CLIC4: variants seen among roughly 807,000 people sequenced by gnomAD.
CLIC4 encodes chloride intracellular channel protein 4.
CLIC4 carries 13 observed loss-of-function variants against 24.6 expected under a neutral mutation model. That is an observed-to-expected ratio of 0.53 (90% confidence interval 0.34 to 0.84). The LOEUF (loss-of-function observed/expected upper bound fraction) is 0.84. CLIC4 is among the 40% of genes least tolerant of loss of function. CLIC4 has a pLI of 0.01. For missense variants in CLIC4, 227 were observed against 301.7 expected, an observed-to-expected ratio of 0.75 and a Z score of 1.83; for synonymous variants, 104 against 111.3, an observed-to-expected ratio of 0.93 and a Z score of 0.41.
At chr1:24,813,042 CTTTCT>C (rs761240831) in intron 2 of CLIC4, among the ~76,000 whole-genome samples, 9 of 114,042 alleles carry the variant, frequency 7.9e-5, no homozygotes, top group African/African-American at 2.1e-4. Flanking sequence ...TTCTTTCTTT[CTTTCT>C]TTTTTTTTTT....
chr1:24,842,172 A>G lies in CLIC4; in HGVS notation c.*1235A>G, dbSNP rs914636955. 9 of 152,060 alleles carry G rather than the reference A, an allele frequency of 5.9e-5. No homozygotes were observed. The highest frequency in any genetic ancestry group is 2.2e-4 in the African/African-American group (9 of 41,402). 9.4% of individuals were successfully genotyped at this position (152,060 alleles called of 1,614,324 possible). On this transcript the variant is annotated 3_prime_UTR_variant, in exon 6 of 6. Transcript: ENST00000374379. ...GCACTTCCTGGAGTTAAATTTTCCA[A>G]CAGCCATGTTGAGGAATAGCACTCT...
intron 1 of CLIC4, among the ~76,000 whole-genome samples, chr1:24,752,469 A>G (rs72654677): frequency 3.3e-5 from 5 of 152,162 alleles, no homozygotes; most frequent in East Asian, 3.9e-4. Flanking sequence ...TGAATTGTCA[A>G]AGTTGGTGGG....
Position 24,758,490 on chromosome 1 carries a change from C to G in CLIC4, c.72+12865C>G, listed in dbSNP as rs1461209234. Reference sequence around the variant, plus strand: ...TTTTTTTTTTTGAGGCAGAGTCTCACTCTGTCACCCAGGCTGGGGTGCACT... The same window carrying G: ...TTTTTTTTTTTGAGGCAGAGTCTCAGTCTGTCACCCAGGCTGGGGTGCACT... On this transcript the variant is annotated intron_variant, in intron 1 of 5. Transcript: ENST00000374379. 4.0e-5 allele frequency among the ~76,000 whole-genome samples: 6 copies of G among 151,880 alleles called. No individual in the cohort carries two copies. In the East Asian group the frequency reaches 1.2e-3, roughly 29 times the overall value.
intron 1 of CLIC4, among the ~76,000 whole-genome samples, chr1:24,773,693 C>T (rs1410178264): frequency 6.8e-6 from 1 of 147,618 alleles, no homozygotes; most frequent in Non-Finnish European, 1.5e-5. Flanking sequence ...ACCTCCTGGG[C>T]TCAAGTGATC....
intron 1 of CLIC4, among the ~76,000 whole-genome samples, chr1:24,758,321 T>C (rs1280101784): frequency 1.3e-5 from 2 of 151,912 alleles, no homozygotes; most frequent in Non-Finnish European, 2.9e-5. Context: ...TTTTTTTTTT[T>C]TTCCTCGTTC....
At chr1:24,835,973 A>G (rs1285774958) in intron 4 of CLIC4, among the ~76,000 whole-genome samples, 1 of 152,242 alleles carries the variant, frequency 6.6e-6, no homozygotes, top group African/African-American at 2.4e-5. Context: ...GACTGTATCT[A>G]TCTGTCTATC....
intron 1 of CLIC4, among the ~76,000 whole-genome samples, chr1:24,759,617 A>G (rs1234918941): frequency 6.6e-6 from 1 of 152,158 alleles, no homozygotes; most frequent in African/African-American, 2.4e-5. Flanking sequence ...GGTTGCTAGT[A>G]TTACTGACTC....
Position 24,837,917 on chromosome 1 carries a change from TCTC to T in CLIC4, c.416-1940_416-1938del, listed in dbSNP as rs573043527. ...TAGGGCTTTCTCTAGGCCCTCTGCT[TCTC>T]CTTTACTCCATGGTTTCGGTGTTCA... On this transcript the variant is annotated intron_variant, in intron 4 of 5. Transcript: ENST00000374379. Among the ~76,000 whole-genome samples the T allele has an allele frequency of 9.2e-5, 14 of 152,228 alleles. No individual in the cohort carries two copies. In the South Asian group the frequency reaches 2.9e-3, roughly 32 times the overall value.
intron 2 of CLIC4, 88 bp downstream of exon 2, chr1:24,797,939 T>G: frequency 1.2e-6 from 1 of 857,904 alleles, no homozygotes. Flanking sequence ...ACATATTCTC[T>G]AAAGGAAATA....
At chr1:24,791,991 A>G (rs1639344942) in intron 1 of CLIC4, among the ~76,000 whole-genome samples, 1 of 150,600 alleles carries the variant, frequency 6.6e-6, no homozygotes, top group Non-Finnish European at 1.5e-5. Flanking sequence ...AGAGGTTGCA[A>G]TGAGCCGAGA....
intron 2 of CLIC4, among the ~76,000 whole-genome samples, chr1:24,802,516 A>AT (rs896226785): frequency 3.3e-5 from 5 of 152,042 alleles, no homozygotes; most frequent in African/African-American, 1.2e-4. Flanking sequence ...TGAAGCTTAT[A>AT]TTTTTTGGTC....
At chr1:24,796,710 C>T (rs1435049388) in intron 1 of CLIC4, among the ~76,000 whole-genome samples, 1 of 152,136 alleles carries the variant, frequency 6.6e-6, no homozygotes, top group African/African-American at 2.4e-5. Flanking sequence ...ATGCTAGAAT[C>T]GCCTAACAGC....
intron 1 of CLIC4, among the ~76,000 whole-genome samples, chr1:24,763,233 G>T (rs937788906): frequency 1.3e-5 from 2 of 151,904 alleles, no homozygotes; most frequent in African/African-American, 4.8e-5. Flanking sequence ...AAACCATTTT[G>T]TTGGTCTCTA....
intron 4 of CLIC4, among the ~76,000 whole-genome samples, chr1:24,835,718 C>T (rs1639879902): frequency 6.6e-6 from 1 of 151,660 alleles, no homozygotes; most frequent in Non-Finnish European, 1.5e-5. Context: ...GTCAAGGAAA[C>T]AAAGACTAGA....
intron 1 of CLIC4, among the ~76,000 whole-genome samples, chr1:24,769,129 A>C (rs1209686872): frequency 1.3e-5 from 2 of 151,602 alleles, no homozygotes; most frequent in Non-Finnish European, 3.0e-5. Flanking sequence ...ACTCTGTCTC[A>C]AAACAAAAGA....
intron 4 of CLIC4, among the ~76,000 whole-genome samples, chr1:24,829,847 A>C (rs886488959): frequency 6.6e-6 from 1 of 152,170 alleles, no homozygotes; most frequent in African/African-American, 2.4e-5. Flanking sequence ...ATGGTTGTGC[A>C]TTATTGTAGC....
intron 2 of CLIC4, among the ~76,000 whole-genome samples, chr1:24,801,363 G>A (rs892096995): frequency 6.6e-6 from 1 of 152,152 alleles, no homozygotes; most frequent in African/African-American, 2.4e-5. Flanking sequence ...TTTCATGGCC[G>A]GAGAAGGAAG....
At chr1:24,836,544 A>G (rs1418536741) in intron 4 of CLIC4, among the ~76,000 whole-genome samples, 1 of 152,244 alleles carries the variant, frequency 6.6e-6, no homozygotes. Flanking sequence ...TCAATAACAA[A>G]AGTACAGCTA....
At chr1:24,807,421 A>G (rs542254015) in intron 2 of CLIC4, among the ~76,000 whole-genome samples, 30 of 152,312 alleles carry the variant, frequency 2.0e-4, no homozygotes, top group Non-Finnish European at 4.1e-4. Context: ...ACATGGAGCA[A>G]TGGTGAGCAC....
Sources: allele counts gnomAD v4.1 joint callset (sites outside exome capture counted in the v4.1 genomes callset), GRCh38; gene constraint gnomAD v4.1.1; transcripts MANE v1.5; gene names NCBI Gene and HGNC (gene_info 2026-07-23, HGNC 2026-07-21).